TENM3: variants seen among roughly 807,000 people sequenced by gnomAD.
TENM3 encodes the protein teneurin transmembrane protein 3.
A neutral mutation model predicts 255.1 loss-of-function variants in TENM3; 63 were observed. The ratio of observed to expected loss-of-function variants is 0.25; its 90% confidence interval spans 0.20 to 0.30. The LOEUF (loss-of-function observed/expected upper bound fraction) is 0.30. Ranked by LOEUF, TENM3 falls within the 10% of genes least tolerant of loss-of-function variation. TENM3 has a pLI of 1.00. For missense variants in TENM3, 2,929 were observed against 3,461.1 expected (o/e 0.85, Z 3.86); for synonymous variants, 1,306 against 1,322.3 (o/e 0.99, Z 0.27).
At chr4:181,476,214 T>TTTG in the TENM3 span, among the ~76,000 whole-genome samples, 22,319 of 137,102 alleles carry the variant, frequency 0.16, 1,776 homozygotes, top group Middle Eastern at 0.22. Flanking sequence ...GGGTTTTTTT[T>TTTG]TTTTTTTTTT....
the TENM3 span, among the ~76,000 whole-genome samples, chr4:182,110,065 G>T: frequency 6.9e-6 from 1 of 144,546 alleles, no homozygotes; most frequent in Non-Finnish European, 1.5e-5. Flanking sequence ...AGTGAGCCGA[G>T]ATCATGCCAC....
At chr4:182,554,829 T>C (rs975437769) in intron 3 of TENM3, among the ~76,000 whole-genome samples, 4 of 151,836 alleles carry the variant, frequency 2.6e-5, no homozygotes, top group Non-Finnish European at 5.9e-5. Flanking sequence ...ATTTGTCTTT[T>C]CGCAGCTTTA....
chr4:182,543,921 G>A (rs1000170767), intron 3 of TENM3, among the ~76,000 whole-genome samples: 2 of 151,938 alleles, frequency 1.3e-5, no homozygotes, highest in South Asian at 4.2e-4. Context: ...AATCCTTTTG[G>A]ATTAAATAGA....
intron 1 of TENM3, among the ~76,000 whole-genome samples, chr4:182,161,641 A>G (rs1425168956): frequency 0.018 from 807 of 46,016 alleles, 43 homozygotes; most frequent in East Asian, 0.15. Flanking sequence ...ATATATATGT[A>G]TATATATATA....
At chr4:181,466,143 G>A in the TENM3 span, among the ~76,000 whole-genome samples, 1 of 147,224 alleles carries the variant, frequency 6.8e-6, no homozygotes, top group African/African-American at 2.5e-5. Flanking sequence ...TTGAGACGGA[G>A]TTTCTCTCTT....
At chr4:182,546,576 C>T (rs1203446195) in intron 3 of TENM3, among the ~76,000 whole-genome samples, 1 of 151,668 alleles carries the variant, frequency 6.6e-6, no homozygotes, top group African/African-American at 2.4e-5. Flanking sequence ...GCTGGGAGTA[C>T]AGGCATGAGC....
At chr4:182,298,355 G>A (rs149702872) in intron 1 of TENM3, among the ~76,000 whole-genome samples, 69 of 152,256 alleles carry the variant, frequency 4.5e-4, no homozygotes, top group Middle Eastern at 3.4e-3. Flanking sequence ...GGCCTGTGAT[G>A]CCATGGCAGA....
In TENM3 at chr4:182,523,694, A is replaced by G. The variant is rs80333087; in HGVS notation, c.512-77230A>G. ...AAGCTGCTTGTGTTAGTGACAGTAT[A>G]GGTTCTGATGTCTTTTATTACTGTT... On this transcript the variant is annotated intron_variant, in intron 3 of 27. Transcript: ENST00000511685. Among the ~76,000 whole-genome samples the G allele has an allele frequency of 5.3e-3, 803 of 152,282 alleles. 3 individuals carry two copies. The highest frequency in any genetic ancestry group is 6.2e-3 in the Non-Finnish European group (422 of 68,022).
chr4:182,668,487 T>G (rs905202863), intron 6 of TENM3, among the ~76,000 whole-genome samples: 4 of 152,176 alleles, frequency 2.6e-5, no homozygotes, highest in African/African-American at 9.7e-5. Context: ...TGTGGTGTTA[T>G]GATTAATTAG....
At chr4:182,577,809 A>G (rs1745082164) in intron 3 of TENM3, among the ~76,000 whole-genome samples, 1 of 152,156 alleles carries the variant, frequency 6.6e-6, no homozygotes, top group African/African-American at 2.4e-5. Context: ...AGTACTCAGA[A>G]ACTTAGGAGA....
chr4:181,940,333 GA>G, the TENM3 span, among the ~76,000 whole-genome samples: 2 of 152,002 alleles, frequency 1.3e-5, no homozygotes, highest in Non-Finnish European at 1.5e-5. Flanking sequence ...AGAAAATACA[GA>G]TGTCCTCTAA....
intron 3 of TENM3, among the ~76,000 whole-genome samples, chr4:182,451,063 T>A (rs1268369539): frequency 6.6e-6 from 1 of 152,232 alleles, no homozygotes; most frequent in Non-Finnish European, 1.5e-5. Flanking sequence ...GCATTTTACC[T>A]TGTTTTCTTG....
the TENM3 span, among the ~76,000 whole-genome samples, chr4:181,463,811 T>C: frequency 6.6e-6 from 1 of 152,140 alleles, no homozygotes. Flanking sequence ...TTTTCATCAT[T>C]TTCCCCTCCC....
intron 1 of TENM3, among the ~76,000 whole-genome samples, chr4:182,184,522 G>A (rs1007535258): frequency 6.7e-6 from 1 of 149,582 alleles, no homozygotes; most frequent in African/African-American, 2.5e-5. Context: ...TTGAGAAAAG[G>A]AGTGGATTTC....
At chr4:182,249,560 C>T (rs759253087) in intron 1 of TENM3, among the ~76,000 whole-genome samples, 7 of 152,076 alleles carry the variant, frequency 4.6e-5, no homozygotes, top group African/African-American at 1.2e-4. Context: ...TAGACTGAAC[C>T]GCTTCCTCTC....
chr4:181,455,321 T>C, the TENM3 span, among the ~76,000 whole-genome samples: 6 of 152,090 alleles, frequency 3.9e-5, no homozygotes, highest in African/African-American at 7.2e-5. Context: ...TAGACAATGA[T>C]GTTATGACAA....
intron 3 of TENM3, among the ~76,000 whole-genome samples, chr4:182,571,201 T>C (rs887169346): frequency 2.6e-5 from 4 of 152,134 alleles, no homozygotes; most frequent in African/African-American, 9.7e-5. Flanking sequence ...CATGAGGACA[T>C]GCCCTGTTCA....
At chr4:182,150,112 C>T (rs1177997351) in intron 1 of TENM3, among the ~76,000 whole-genome samples, 1 of 151,198 alleles carries the variant, frequency 6.6e-6, no homozygotes, top group African/African-American at 2.4e-5. Flanking sequence ...ATTTGGTTGC[C>T]CTGGGATGGG....
chr4:182,161,143 G>C (rs1469801630), intron 1 of TENM3, among the ~76,000 whole-genome samples: 1 of 148,086 alleles, frequency 6.8e-6, no homozygotes, highest in African/African-American at 2.5e-5. Context: ...GCGGCCGGGC[G>C]CGGTGGCTCA....
Sources: gnomAD v4.1 joint callset for allele counts (sites outside exome capture counted in the v4.1 genomes callset) on GRCh38, gnomAD v4.1.1 for gene constraint, MANE v1.5 for transcripts, NCBI Gene and HGNC (gene_info 2026-07-23, HGNC 2026-07-21) for gene names.